Variants in CHODL observed in about 807,000 individuals in gnomAD.
The protein encoded by CHODL is chondrolectin, also known as transmembrane protein MT75.
Under a neutral mutation model 34.5 loss-of-function variants are expected in CHODL, and 29 were observed. The observed-to-expected ratio is 0.84, with a 90% CI of 0.63 to 1.15. The LOEUF (loss-of-function observed/expected upper bound fraction) is 1.15, where lower values mean the gene tolerates loss of function less well. CHODL is among the 50% of genes most tolerant of loss of function. The pLI, the probability that CHODL is intolerant of heterozygous loss-of-function variation, is 0.00. For synonymous variants in CHODL, 125 were observed against 116.1 expected (o/e 1.08, Z -0.49); for missense variants, 332 against 332.5 (o/e 1.00, Z 0.01).
rs565598695 is a variant in CHODL, at chr21:18,192,284, A to G, written c.-44-64225A>G. On this transcript the variant is annotated intron_variant, in intron 2 of 6. Transcript: ENST00000400127. The stretch of plus-strand genomic sequence containing the variant: ...GGATTTTTATGAAGGGTATCCAGAC[A>G]TTCACAGGACAGTAATGAACTTTTT... Among the ~76,000 whole-genome samples, 159 of 152,344 alleles carry G rather than the reference A, an allele frequency of 1.0e-3. 3 individuals carry two copies. Among genetic ancestry groups the G allele is most frequent in the African/African-American group, 3.5e-3 (146 of 41,576 alleles).
chr21:18,226,499 A>G (rs2073932480), intron 2 of CHODL, among the ~76,000 whole-genome samples: 1 of 152,042 alleles, frequency 6.6e-6, no homozygotes, highest in Non-Finnish European at 1.5e-5. Flanking sequence ...GGGTTTCTTC[A>G]TGTTGGCCAG....
chr21:18,216,977 C>T (rs182365644), intron 2 of CHODL, among the ~76,000 whole-genome samples: 13 of 152,242 alleles, frequency 8.5e-5, no homozygotes, highest in African/African-American at 2.9e-4. Flanking sequence ...CAAACCATAT[C>T]AGCAGGATTT....
intron 1 of CHODL, among the ~76,000 whole-genome samples, chr21:18,248,863 A>G (rs2074190092): frequency 8.9e-6 from 1 of 112,114 alleles, no homozygotes; most frequent in South Asian, 2.3e-4. Flanking sequence ...TACATTGTAT[A>G]TGTGTATATA....
rs752194354 is a variant in CHODL at position 18,195,028 on chromosome 21, A to ATTTAT, written c.-44-61479_-44-61478insTATTT. Among the ~76,000 whole-genome samples, 614 of 144,070 alleles carry ATTTAT rather than the reference A, an allele frequency of 4.3e-3. 8 individuals carry two copies. The highest frequency in any genetic ancestry group is 0.04 in the South Asian group (179 of 4,520). 94.5% of individuals were successfully genotyped at this position (144,070 alleles called of 152,430 possible). A position where few individuals can be genotyped will look rare whatever the true frequency, so the allele number is the denominator to read the frequency against. ...CAATACATTGTTATTAATACAATAC[A>ATTTAT]TTATTTATTTATTTATTTATTTATT... On this transcript the variant is annotated intron_variant, in intron 2 of 6. Coordinates refer to the CHODL transcript ENST00000400127.
At chr21:17,978,734 A>G (rs200799188) in intron 1 of CHODL, among the ~76,000 whole-genome samples, 4 of 21,564 alleles carry the variant, frequency 1.9e-4, no homozygotes, top group African/African-American at 8.8e-4. Context: ...AAAAAAAAAG[A>G]AAAAAAAAAA....
intron 2 of CHODL, among the ~76,000 whole-genome samples, chr21:18,193,206 A>T (rs2073531963): frequency 6.6e-6 from 1 of 152,236 alleles, no homozygotes; most frequent in Non-Finnish European, 1.5e-5. Flanking sequence ...TCAATAAATG[A>T]AATTATTATT....
At chr21:18,117,841 T>A (rs1455729326) in intron 2 of CHODL, among the ~76,000 whole-genome samples, 1 of 152,222 alleles carries the variant, frequency 6.6e-6, no homozygotes, top group Non-Finnish European at 1.5e-5. Flanking sequence ...TAAACATTGC[T>A]ATTAAATTAG....
chr21:17,933,513 CCT>C (rs2063293127), intron 1 of CHODL, among the ~76,000 whole-genome samples: 1 of 152,110 alleles, frequency 6.6e-6, no homozygotes, highest in Admixed American at 6.5e-5. Context: ...TCCATTTAAC[CCT>C]GAGTTGACAC....
At chr21:17,934,216 C>T (rs2063301004) in intron 1 of CHODL, among the ~76,000 whole-genome samples, 1 of 142,172 alleles carries the variant, frequency 7.0e-6, no homozygotes, top group Admixed American at 7.1e-5. Flanking sequence ...GCACATGTAC[C>T]CCCTGAATCT....
chr21:18,193,176 G>A (rs1601129501), intron 2 of CHODL, among the ~76,000 whole-genome samples: 1 of 152,250 alleles, frequency 6.6e-6, no homozygotes, highest in East Asian at 1.9e-4. Context: ...CAGAAAAACA[G>A]AAGGACAAGT....
rs140818601 is a variant in CHODL at position 18,250,239 on chromosome 21, T to C, written c.79+4937T>C. ...TGGTTTCAAAGCTAATTCATTTTGA[T>C]TGGCTACATGAACTCTTAAGTCACA... is the stretch of plus-strand genomic sequence containing the variant. On this transcript the variant is annotated intron_variant, in intron 1 of 5. Transcript: ENST00000299295. Among the ~76,000 whole-genome samples, 14 of 152,220 alleles carry C rather than the reference T, an allele frequency of 9.2e-5. No individual in the cohort carries two copies. The East Asian group carries it at 2.5e-3, about 27-fold the overall frequency.
intron 2 of CHODL, among the ~76,000 whole-genome samples, chr21:18,132,511 A>G (rs186451959): frequency 1.3e-4 from 20 of 152,314 alleles, no homozygotes; most frequent in Admixed American, 8.5e-4. Context: ...TTGTTTTAAC[A>G]TCTATACATC....
chr21:17,998,258 G>C (rs1373072261), intron 1 of CHODL, among the ~76,000 whole-genome samples: 1 of 152,252 alleles, frequency 6.6e-6, no homozygotes, highest in African/African-American at 2.4e-5. Flanking sequence ...GCTGATGCAA[G>C]AGGTGAGTTC....
upstream of CHODL, among the ~76,000 whole-genome samples, chr21:18,243,623 G>C (rs577814987): frequency 2.0e-5 from 3 of 151,630 alleles, no homozygotes; most frequent in Non-Finnish European, 4.4e-5. Flanking sequence ...GCTCACTGCA[G>C]CGTCAAACTC....
At chr21:18,004,084 T>C (rs1214701034) in intron 1 of CHODL, among the ~76,000 whole-genome samples, 1 of 152,174 alleles carries the variant, frequency 6.6e-6, no homozygotes, top group African/African-American at 2.4e-5. Flanking sequence ...GTGTTTGCCT[T>C]TTTCTTAGAA....
At chr21:18,122,828 C>A (rs1423648221) in intron 2 of CHODL, among the ~76,000 whole-genome samples, 1 of 152,022 alleles carries the variant, frequency 6.6e-6, no homozygotes, top group African/African-American at 2.4e-5. Flanking sequence ...CTAGTTTGTC[C>A]GTCAGTTTAA....
At chr21:18,167,834 A>G (rs376155422) in intron 2 of CHODL, among the ~76,000 whole-genome samples, 8 of 152,290 alleles carry the variant, frequency 5.3e-5, no homozygotes, top group African/African-American at 1.7e-4. Flanking sequence ...AGATTGAAAA[A>G]TGCAAAGTAT....
intron 2 of CHODL, among the ~76,000 whole-genome samples, chr21:18,196,422 G>A (rs762308806): frequency 1.3e-5 from 2 of 151,998 alleles, no homozygotes; most frequent in Non-Finnish European, 2.9e-5. Context: ...TCTGTCTTTT[G>A]CTGGAAATAT....
intron 2 of CHODL, among the ~76,000 whole-genome samples, chr21:18,174,999 A>T (rs192330693): frequency 6.6e-6 from 1 of 152,150 alleles, no homozygotes; most frequent in South Asian, 2.1e-4. Context: ...TTGTTTCTTT[A>T]TTTGTGAAAT....
Sources: allele counts gnomAD v4.1 joint callset (sites outside exome capture counted in the v4.1 genomes callset), GRCh38; gene constraint gnomAD v4.1.1; transcripts MANE v1.5; gene names NCBI Gene and HGNC (gene_info 2026-07-23, HGNC 2026-07-21).